The following CCDC77 variants were observed in gnomAD, a reference collection of about 807,000 sequenced individuals.
CCDC77 encodes coiled-coil domain-containing protein 77.
Under a neutral mutation model 66.8 loss-of-function variants are expected in CCDC77, and 56 were observed. That is an observed-to-expected ratio of 0.84 (90% CI 0.68 to 1.05). The LOEUF is 1.05. Ranked by LOEUF, CCDC77 falls within the 50% of genes least tolerant of loss-of-function variation. The probability of loss-of-function intolerance (pLI) is 0.00; values close to 1 mark genes in which losing one functional copy is unlikely to be tolerated. For missense variants in CCDC77, 570 were observed against 576.8 expected (o/e 0.99, Z 0.12); for synonymous variants, 196 against 195.2 (o/e 1.00, Z -0.03).
intron 1 of CCDC77, among the ~76,000 whole-genome samples, chr12:390,524 G>C (rs1944736180): frequency 6.6e-6 from 1 of 152,128 alleles, no homozygotes; most frequent in South Asian, 2.1e-4. Context: ...TCCATAATGT[G>C]AGTAGGCCTT....
At chr12:436,775 G>C (rs975571681) in intron 9 of CCDC77, 2 of 984,484 alleles carry the variant, frequency 2.0e-6, no homozygotes, top group African/African-American at 3.5e-5. Context: ...CCTTCCATTA[G>C]ATGGATCTTC....
chr12:423,494 G>GTTTT (rs56233976), intron 5 of CCDC77, among the ~76,000 whole-genome samples: 12 of 35,408 alleles, frequency 3.4e-4, no homozygotes, highest in Non-Finnish European at 5.7e-4. Flanking sequence ...TTTTTGTTTT[G>GTTTT]TTTTTTTTTT....
intron 1 of CCDC77, among the ~76,000 whole-genome samples, chr12:392,529 A>C (rs979085756): frequency 6.6e-6 from 1 of 152,126 alleles, no homozygotes; most frequent in Non-Finnish European, 1.5e-5. Flanking sequence ...AGATCACTTG[A>C]GGTTAGGAGT....
chr12:394,959 G>T (rs1944807030), intron 1 of CCDC77, among the ~76,000 whole-genome samples: 1 of 152,132 alleles, frequency 6.6e-6, no homozygotes, highest in South Asian at 2.1e-4. Context: ...GAAGACAAAA[G>T]AATAAGCACA....
At chr12:398,254 C>A (rs1373042643), upstream of CCDC77, among the ~76,000 whole-genome samples, 1 of 152,234 alleles carries the variant, frequency 6.6e-6, no homozygotes, top group East Asian at 1.9e-4. Context: ...AACCCTGCAA[C>A]TGCTTTATCG....
upstream of CCDC77, among the ~76,000 whole-genome samples, chr12:401,295 T>C (rs3803159): frequency 0.029 from 4,393 of 152,234 alleles, 413 homozygotes; most frequent in East Asian, 0.31. Context: ...TTACAACATA[T>C]ATGTACCATG....
intron 4 of CCDC77, among the ~76,000 whole-genome samples, chr12:412,956 T>TG (rs1170614528): frequency 6.6e-6 from 1 of 152,114 alleles, no homozygotes; most frequent in East Asian, 1.9e-4. Flanking sequence ...TTTTTTTTTT[T>TG]GAGACGGAGT....
chr12:430,216 C>T (rs1222903555), intron 6 of CCDC77, among the ~76,000 whole-genome samples: 4 of 152,026 alleles, frequency 2.6e-5, no homozygotes, highest in South Asian at 4.2e-4. Context: ...TGGTCTTGAA[C>T]TCCCGACCTC....
chr12:396,125 CTCACGCCTATAA>C (rs1377397800), intron 1 of CCDC77, among the ~76,000 whole-genome samples: 1 of 152,216 alleles, frequency 6.6e-6, no homozygotes, highest in Admixed American at 6.5e-5. Flanking sequence ...GGCGAGGTGG[CTCACGCCTATAA>C]TCCCAGCACT....
chr12:435,447 A>G (rs114713547), intron 9 of CCDC77, among the ~76,000 whole-genome samples: 196 of 152,324 alleles, frequency 1.3e-3, no homozygotes, highest in African/African-American at 4.5e-3. Flanking sequence ...TAACTTTCTT[A>G]TTCCTTAATT....
upstream of CCDC77, among the ~76,000 whole-genome samples, chr12:400,570 G>C (rs1306741980): frequency 6.6e-6 from 1 of 152,116 alleles, no homozygotes; most frequent in African/African-American, 2.4e-5. Flanking sequence ...TGTATCACAG[G>C]AATAAGGAGG....
intron 4 of CCDC77, among the ~76,000 whole-genome samples, chr12:416,344 G>GGGGT (rs1417445217): frequency 1.3e-4 from 5 of 37,092 alleles, no homozygotes; most frequent in African/African-American, 4.6e-4. Flanking sequence ...GGTGTGTGGG[G>GGGGT]GTGTGTGTGT....
chr12:433,183 C>G lies in CCDC77; in HGVS notation c.682C>G (p.Leu228Val), dbSNP rs1565576294. The change falls in exon 9 of 13, where the codon CTG (leucine) becomes GTG (valine). Residue 228 changes from leucine (L) to valine (V), a missense_variant. Physicochemically the swap from Leu to Val is conservative, Grantham distance 32. Transcript: ENST00000239830. ...IQTLILQVEA[L>V]QAQLGEQTKL... ...TTTTTGGCCTGTCTAGGTGGAAGCA[C>G]TGCAGGCTCAGCTGGGAGAGCAGAC... The G allele has an allele frequency of 6.2e-7, 1 of 1,613,738 alleles. No individual in the cohort carries two copies. Among genetic ancestry groups the G allele is most frequent in the East Asian group, 2.2e-5 (1 of 44,866 alleles).
intron 1 of CCDC77, among the ~76,000 whole-genome samples, chr12:394,901 CA>C (rs1211060499): frequency 6.6e-6 from 1 of 151,764 alleles, no homozygotes; most frequent in Non-Finnish European, 1.5e-5. Context: ...CAGTGAACAA[CA>C]AAAAAAGACA....
intron 2 of CCDC77, among the ~76,000 whole-genome samples, chr12:407,271 A>C (rs1945013018): frequency 6.6e-6 from 1 of 152,244 alleles, no homozygotes; most frequent in Non-Finnish European, 1.5e-5. Flanking sequence ...GTGGCATGTA[A>C]GACAAAGAGA....
intron 2 of CCDC77, among the ~76,000 whole-genome samples, chr12:407,047 C>T (rs556486590): frequency 1.1e-3 from 170 of 152,300 alleles, no homozygotes; most frequent in Non-Finnish European, 2.1e-3. Flanking sequence ...TGACTCATGC[C>T]TATAATCCTA....
intron 5 of CCDC77, among the ~76,000 whole-genome samples, chr12:425,402 A>G (rs1945508933): frequency 6.6e-6 from 1 of 151,456 alleles, no homozygotes; most frequent in African/African-American, 2.4e-5. Flanking sequence ...CTTGCCGTAA[A>G]CTCCACCTGG....
At chr12:396,857 C>T (rs184906697), upstream of CCDC77, among the ~76,000 whole-genome samples, 8 of 152,280 alleles carry the variant, frequency 5.3e-5, no homozygotes, top group African/African-American at 1.4e-4. Context: ...GAACTTCATT[C>T]TCTAGTCTGT....
intron 1 of CCDC77, among the ~76,000 whole-genome samples, chr12:396,216 A>AC (rs1461153083): frequency 1.3e-5 from 2 of 152,022 alleles, no homozygotes; most frequent in Admixed American, 1.3e-4. Flanking sequence ...ACATGGTGAA[A>AC]CCCCATCTCT....
Sources: allele counts gnomAD v4.1 joint callset (sites outside exome capture counted in the v4.1 genomes callset), GRCh38; gene constraint gnomAD v4.1.1; transcripts MANE v1.5; gene names NCBI Gene and HGNC (gene_info 2026-07-23, HGNC 2026-07-21).